APC: variants seen among roughly 807,000 people sequenced by gnomAD.
APC encodes the protein APC regulator of Wnt signaling pathway.
In APC, 72 loss-of-function variants were observed where a neutral mutation model predicts 247.0. The ratio of observed to expected loss-of-function variants is 0.29; its 90% CI spans 0.24 to 0.35. The LOEUF (loss-of-function observed/expected upper bound fraction) is 0.35, where lower values mean the gene tolerates loss of function less well. APC is among the 10% of genes least tolerant of loss of function. The pLI is 1.00. For missense variants in APC, 3,400 were observed against 3,360.7 expected, an observed-to-expected ratio of 1.01 and a Z score of -0.29; for synonymous variants, 1,254 against 1,162.5, an observed-to-expected ratio of 1.08 and a Z score of -1.60.
rs1765955149 is a variant in APC at position 112,841,037 on chromosome 5, A to G, written c.5443A>G (p.Asn1815Asp). 1 of 1,610,818 alleles carries G rather than the reference A, an allele frequency of 6.2e-7. No homozygotes were observed. The highest frequency in any genetic ancestry group is 8.5e-7 in the Non-Finnish European group (1 of 1,177,258). ...AGACAACAAAGATTCAAAGAAACAG[A>G]ATTTGAAAAATAATTCCAAGGTCTT... ...FSDNKDSKKQ[N>D]LKNNSKVFND... The change falls in exon 16 of 16, where the codon AAT becomes GAT. Residue 1815 changes from asparagine (N) to aspartate (D), a missense_variant. Transcript: ENST00000257430. The surrounding 1 kb of genome is among the most constrained non-coding windows in gnomAD (Gnocchi z 4.6).
intron 2 of APC, among the ~76,000 whole-genome samples, chr5:112,764,659 A>G (rs371031985): frequency 3.9e-5 from 6 of 152,360 alleles, no homozygotes; most frequent in African/African-American, 1.4e-4. Context: ...AAGTGAAGTT[A>G]GGATTCGAGA....
chr5:112,754,355 CAGAA>C (rs1754717104), intron 1 of APC, among the ~76,000 whole-genome samples: 1 of 152,190 alleles, frequency 6.6e-6, no homozygotes, highest in South Asian at 2.1e-4. Context: ...CTTAGAACTT[CAGAA>C]CTATTTCACC....
intron 2 of APC, among the ~76,000 whole-genome samples, chr5:112,760,211 A>G (rs777367460): frequency 6.6e-6 from 1 of 152,178 alleles, no homozygotes; most frequent in Non-Finnish European, 1.5e-5. Flanking sequence ...TAGGTATGAA[A>G]GAAAATGAAA....
At chr5:112,821,248 A>G (rs953674797) in intron 10 of APC, among the ~76,000 whole-genome samples, 6 of 152,040 alleles carry the variant, frequency 3.9e-5, no homozygotes, top group Non-Finnish European at 5.9e-5. Context: ...GCTCGTGCCT[A>G]TAATTCTAGC....
intron 1 of APC, among the ~76,000 whole-genome samples, chr5:112,714,854 C>A (rs113765307): frequency 0.022 from 3,358 of 152,120 alleles, 138 homozygotes; most frequent in African/African-American, 0.076. Context: ...TTCTTAATGT[C>A]TAAATGTCTG....
chr5:112,836,217 G>C (rs1401055064), intron 15 of APC, among the ~76,000 whole-genome samples: 1 of 130,960 alleles, frequency 7.6e-6, no homozygotes, highest in Non-Finnish European at 1.6e-5. Context: ...TTTTAGTAGA[G>C]ACGGGGCTTC....
At chr5:112,765,175 G>A (rs1026418861) in intron 2 of APC, among the ~76,000 whole-genome samples, 2 of 152,134 alleles carry the variant, frequency 1.3e-5, no homozygotes, top group Non-Finnish European at 2.9e-5. Flanking sequence ...TGAGACTGTG[G>A]CTCACTGCAG....
chr5:112,753,637 A>G (rs1002580819), intron 1 of APC, among the ~76,000 whole-genome samples: 4 of 151,974 alleles, frequency 2.6e-5, no homozygotes, highest in African/African-American at 9.7e-5. Context: ...ATGTCATTGG[A>G]TTGTACCAGG....
At chr5:112,760,704 A>G (rs747307843) in intron 2 of APC, among the ~76,000 whole-genome samples, 4 of 152,174 alleles carry the variant, frequency 2.6e-5, no homozygotes, top group Non-Finnish European at 5.9e-5. Flanking sequence ...TGCTGAGGAG[A>G]TGGAGAACTT....
At chr5:112,746,408 A>C (rs922007324) in intron 1 of APC, among the ~76,000 whole-genome samples, 2 of 152,148 alleles carry the variant, frequency 1.3e-5, no homozygotes, top group African/African-American at 4.8e-5. Flanking sequence ...TTAATTGAAA[A>C]CCTTATTTCA....
intron 1 of APC, among the ~76,000 whole-genome samples, chr5:112,752,640 A>T (rs1754503855): frequency 6.6e-6 from 1 of 152,192 alleles, no homozygotes; most frequent in Non-Finnish European, 1.5e-5. Flanking sequence ...TTAAAGATAT[A>T]TTTGGTATGC....
chr5:112,782,214 G>C, intron 6 of APC, among the ~76,000 whole-genome samples: 1 of 152,132 alleles, frequency 6.6e-6, no homozygotes, highest in East Asian at 1.9e-4. Flanking sequence ...GACTGACAGG[G>C]AAACTCCCAT....
At chr5:112,834,850 A>G in intron 14 of APC, 101 bp from the exon 15 acceptor site, 1 of 1,065,150 alleles carries the variant, frequency 9.4e-7, no homozygotes, top group Admixed American at 1.8e-5. Context: ...GGGCAATAGG[A>G]TAGATTAAAA....
At chr5:112,722,057 AC>A (rs35256699) in intron 1 of APC, among the ~76,000 whole-genome samples, 2 of 151,964 alleles carry the variant, frequency 1.3e-5, no homozygotes, top group Admixed American at 6.6e-5. Flanking sequence ...GGAAAAAAAG[AC>A]CCCCCCATTG....
chr5:112,792,013 C>T (rs958229952), intron 6 of APC, among the ~76,000 whole-genome samples: 1 of 152,018 alleles, frequency 6.6e-6, no homozygotes, highest in Non-Finnish European at 1.5e-5. Flanking sequence ...TTTGGGAAGC[C>T]GAGGCAGGCG....
chr5:112,770,185 G>A (rs1329806986), intron 4 of APC, among the ~76,000 whole-genome samples: 1 of 152,146 alleles, frequency 6.6e-6, no homozygotes, highest in East Asian at 1.9e-4. Context: ...GCTGTAAGTG[G>A]TAAGGAATAC....
chr5:112,844,315 A>ACT lies in APC; in HGVS notation c.*192_*193dup. 1.7e-6 allele frequency: 1 copy of ACT among 601,770 alleles called. No homozygotes were observed. The highest frequency in any genetic ancestry group is 2.9e-5 in the East Asian group (1 of 34,916). 37.3% of individuals were successfully genotyped at this position (601,770 alleles called of 1,614,324 possible). A position where few individuals can be genotyped will look rare whatever the true frequency, so the allele number is the denominator to read the frequency against. On this transcript the variant is annotated 3_prime_UTR_variant, in exon 16 of 16. Transcript: ENST00000257430. The stretch of plus-strand genomic sequence containing the variant: ...CTTCACTGGTCTTATTTTGGGAGGC[A>ACT]CTCTTGATGGTTAGGAAAAAAATAG...
In APC at chr5:112,838,571, A is replaced by G. The variant is rs1765309047; in HGVS notation, c.2977A>G (p.Lys993Glu). ...ATCCTATTCTGAAGATGATGAAAGT[A>G]AGTTTTGCAGTTATGGTCAATACCC... Reference protein sequence around the residue: ...IESYSEDDESKFCSYGQYPAD... With the variant: ...IESYSEDDESEFCSYGQYPAD... Residue 993 changes from lysine to glutamate, a missense_variant, in exon 16 of 16, where the codon AAG (lysine) becomes GAG (glutamate). By Grantham distance (56) the Lys-to-Glu change is moderately conservative. This residue lies in a region of APC where 715 missense variants were observed against 656.6 expected (regional missense o/e 1.09). Coordinates refer to ENST00000257430, the MANE Select transcript of APC (RefSeq NM_000038.6). 1 of 1,614,240 alleles carries G rather than the reference A, an allele frequency of 6.2e-7. No homozygotes were observed. Among genetic ancestry groups the G allele is most frequent in the Non-Finnish European group, 8.5e-7 (1 of 1,180,042 alleles).
chr5:112,743,912 C>T (rs1469375012), intron 1 of APC, among the ~76,000 whole-genome samples: 2 of 152,104 alleles, frequency 1.3e-5, no homozygotes, highest in African/African-American at 2.4e-5. Flanking sequence ...CCCTCTGTTG[C>T]GCAGGCTAGA....
Sources: allele counts gnomAD v4.1 joint callset (sites outside exome capture counted in the v4.1 genomes callset), GRCh38; gene constraint gnomAD v4.1.1; regional missense constraint gnomAD v4.1.1; non-coding constraint Gnocchi (gnomAD v3.1); transcripts MANE v1.5; gene names NCBI Gene and HGNC (gene_info 2026-07-23, HGNC 2026-07-21).